The following DDB2 variants were observed in gnomAD, a reference collection of about 807,000 sequenced individuals.
The protein encoded by DDB2 is damage specific DNA binding protein 2.
A neutral mutation model predicts 50.5 loss-of-function variants in DDB2; 27 were observed. That is an observed-to-expected ratio of 0.53 (90% confidence interval 0.39 to 0.74). DDB2 has a LOEUF of 0.74. Ranked by LOEUF, DDB2 falls within the 30% of genes least tolerant of loss-of-function variation. DDB2 has a pLI of 0.00. For missense variants in DDB2, 424 were observed against 545.6 expected, an observed-to-expected ratio of 0.78 and a Z score of 2.22; for synonymous variants, 176 against 205.5, an observed-to-expected ratio of 0.86 and a Z score of 1.23.
rs572781201 is a variant in DDB2 at position 47,221,422 on chromosome 11, C to T, written c.456+4373C>T. 4.0e-5 allele frequency among the ~76,000 whole-genome samples: 6 copies of T among 151,120 alleles called. No homozygotes were observed. The South Asian group carries it at 1.0e-3, about 26-fold the overall frequency. ...CCGAGTAGCTGGGATTACAGGCATG[C>T]ACCACCACACCAGCTAATTTTTGTT... On this transcript the variant is annotated intron_variant, in intron 3 of 9. Transcript: ENST00000256996.
chr11:47,233,231 G>C (rs1475603183), intron 4 of DDB2: 2 of 494,580 alleles, frequency 4.0e-6, no homozygotes, highest in Non-Finnish European at 3.7e-6. Context: ...CACTAGATAA[G>C]CCAGCATGGC....
intron 3 of DDB2, among the ~76,000 whole-genome samples, chr11:47,232,081 C>G (rs1424768054): frequency 4.6e-5 from 7 of 152,106 alleles, no homozygotes; most frequent in Non-Finnish European, 1.0e-4. Flanking sequence ...CGGTGGCTCA[C>G]GCCTGTAATC....
chr11:47,218,385 G>A lies in DDB2; in HGVS notation c.456+1336G>A, dbSNP rs192093572. On this transcript the variant is annotated intron_variant, in intron 3 of 9. Transcript: ENST00000256996. ...TTGAGCAGATGGGATGTATACATAC[G>A]AGGTAATTAACAATACAGATGCCAA... Among the ~76,000 whole-genome samples, 8 of 152,282 alleles carry A rather than the reference G, an allele frequency of 5.3e-5. No homozygotes were observed. In the South Asian group the frequency reaches 8.3e-4, roughly 16 times the overall value.
intron 3 of DDB2, among the ~76,000 whole-genome samples, chr11:47,227,916 C>T (rs1367975664): frequency 2.0e-5 from 3 of 151,558 alleles, no homozygotes; most frequent in African/African-American, 4.9e-5. Context: ...CCGAGGGGGT[C>T]GGATTATGAG....
At chr11:47,215,876 A>G (rs1433958169) in intron 1 of DDB2, 16 of 292,200 alleles carry the variant, frequency 5.5e-5, no homozygotes, top group Non-Finnish European at 1.0e-4. Flanking sequence ...CCTCCCCAGA[A>G]GTAACCTAGT....
At chr11:47,229,891 C>T (rs1953620402) in intron 3 of DDB2, 2 of 381,832 alleles carry the variant, frequency 5.2e-6, no homozygotes, top group African/African-American at 2.2e-5. Context: ...AATGCAGTGG[C>T]AGGATCATAG....
intron 4 of DDB2, 35 bp from the exon 5 acceptor site, chr11:47,234,538 C>A: frequency 6.4e-7 from 1 of 1,570,574 alleles, no homozygotes; most frequent in South Asian, 1.1e-5. Context: ...CTATCTCTGT[C>A]CCCAAGAATC....
At chr11:47,215,771 T>A in intron 1 of DDB2, 3 of 259,384 alleles carry the variant, frequency 1.2e-5, no homozygotes, top group Non-Finnish European at 2.3e-5. Flanking sequence ...GAAGAAAGAA[T>A]TGGTTGTCAA....
intron 3 of DDB2, among the ~76,000 whole-genome samples, chr11:47,221,527 C>T (rs1285235920): frequency 6.6e-6 from 1 of 152,206 alleles, no homozygotes; most frequent in African/African-American, 2.4e-5. Flanking sequence ...CCACTGCAAC[C>T]TCTGCCTCCT....
intron 8 of DDB2, 61 bp downstream of exon 8, chr11:47,238,062 C>T: frequency 3.7e-6 from 6 of 1,611,818 alleles, no homozygotes; most frequent in African/African-American, 1.3e-5. Flanking sequence ...ACCTTATTGA[C>T]CAAAAGTGAC....
At position 47,235,392 on chromosome 11, in the gene DDB2, C is replaced by T. The variant is rs1314761808; in HGVS notation, c.1003C>T (p.Gln335Ter). ...GATCCCGCACCCTCACCGTCACTTC[C>T]AGCACCTCACACCCATCAAGGTGAG... ...GLIPHPHRHF[Q>*]HLTPIKAAWH... Residue 335 changes from glutamine to a stop codon, truncating the protein, a stop_gained, in exon 7 of 10, where the codon CAG becomes TAG. Transcript: ENST00000256996. LOFTEE classifies it high-confidence loss of function. 2.5e-6 allele frequency: 4 copies of T among 1,613,074 alleles called. No individual in the cohort carries two copies. Among genetic ancestry groups the T allele is most frequent in the Non-Finnish European group, 2.5e-6 (3 of 1,180,038 alleles).
intron 6 of DDB2, 28 bp from the exon 7 acceptor site, chr11:47,235,242 T>A (rs373857948): frequency 6.2e-7 from 1 of 1,614,094 alleles, no homozygotes; most frequent in Non-Finnish European, 8.5e-7. Context: ...TGTGGTTCCT[T>A]CAGCTCAGGG....
chr11:47,219,827 G>A (rs1188256012), intron 3 of DDB2, among the ~76,000 whole-genome samples: 3 of 150,874 alleles, frequency 2.0e-5, no homozygotes, highest in African/African-American at 7.3e-5. Context: ...TCACTCCGCC[G>A]CCCAGGCTGG....
intron 9 of DDB2, among the ~76,000 whole-genome samples, 200 bp from the exon 10 acceptor site, chr11:47,238,600 G>A (rs1395162750): frequency 2.0e-5 from 3 of 151,864 alleles, no homozygotes; most frequent in Non-Finnish European, 4.4e-5. Context: ...GGGTTTCACC[G>A]TGTTAGCCAG....
At chr11:47,231,119 C>CAAAAAAAAAAAAAAAAAAAAAA (rs139290057) in intron 3 of DDB2, among the ~76,000 whole-genome samples, 4 of 58,364 alleles carry the variant, frequency 6.9e-5, no homozygotes, top group Non-Finnish European at 6.2e-5. Flanking sequence ...GCCTTCATCT[C>CAAAAAAAAAAAAAAAAAAAAAA]AAAAAAAAAA....
At chr11:47,227,402 C>A (rs180952253) in intron 3 of DDB2, among the ~76,000 whole-genome samples, 1 of 152,050 alleles carries the variant, frequency 6.6e-6, no homozygotes, top group Admixed American at 6.6e-5. Flanking sequence ...ACACTGCGCC[C>A]GGCCATGATA....
rs1467761425 is a variant in DDB2, at chr11:47,232,801, T to C, written c.457-13T>C. On this transcript the variant is annotated splice_polypyrimidine_tract_variant and intron_variant, in intron 3 of 9. Coordinates refer to ENST00000256996, the MANE Select transcript of DDB2 (RefSeq NM_000107.3). ...CCATCATCACTCACTGGCTTTTTCC[T>C]TCCTCGTGTTAGATTGGAGCTGGAG... The C allele has an allele frequency of 1.2e-6, 2 of 1,613,114 alleles. No homozygotes were observed. The highest frequency in any genetic ancestry group is 4.5e-5 in the East Asian group (2 of 44,880).
chr11:47,216,502 G>C, intron 2 of DDB2, 30 bp downstream of exon 2: 1 of 1,612,120 alleles, frequency 6.2e-7, no homozygotes, highest in Non-Finnish European at 8.5e-7. Flanking sequence ...AAGTCCTCAA[G>C]GGTTTACACG....
At chr11:47,232,394 G>A (rs961724507) in intron 3 of DDB2, among the ~76,000 whole-genome samples, 2 of 152,054 alleles carry the variant, frequency 1.3e-5, no homozygotes, top group African/African-American at 4.8e-5. Flanking sequence ...GCTCATGCCT[G>A]TAATCTTAGC....
Sources: gnomAD v4.1 joint callset for allele counts (sites outside exome capture counted in the v4.1 genomes callset) on GRCh38, gnomAD v4.1.1 for gene constraint, MANE v1.5 for transcripts, NCBI Gene and HGNC (gene_info 2026-07-23, HGNC 2026-07-21) for gene names.